DMD: variants seen among roughly 807,000 people sequenced by gnomAD.
The protein encoded by DMD is dystrophin.
DMD carries 63 observed loss-of-function variants against 330.1 expected under a neutral mutation model. The observed-to-expected ratio is 0.19, with a 90% CI of 0.16 to 0.24. The LOEUF (loss-of-function observed/expected upper bound fraction) is 0.24, where lower values mean the gene tolerates loss of function less well. Among genes scored for constraint, DMD ranks in the 10% least tolerant of loss-of-function variants. DMD has a pLI of 1.00. For synonymous variants in DMD, 1,223 were observed against 959.8 expected (o/e 1.27, Z -5.07); for missense variants, 3,344 against 2,684.1 (o/e 1.25, Z -5.43).
intron 1 of DMD, among the ~76,000 whole-genome samples, chrX:33,164,528 T>C (rs2148674942): frequency 8.9e-6 from 1 of 112,141 alleles, no homozygotes; most frequent in East Asian, 2.8e-4. Flanking sequence ...TAAAAGCAGA[T>C]AAGCAGAGTT....
intron 41 of DMD, among the ~76,000 whole-genome samples, chrX:32,329,037 A>C (rs2097666131): frequency 9.0e-6 from 1 of 111,727 alleles, no homozygotes; most frequent in African/African-American, 3.3e-5. Context: ...TCATTCATTC[A>C]ATCATTCATT....
At chrX:32,594,845 C>T (rs780521697) in intron 13 of DMD, among the ~76,000 whole-genome samples, 9 of 111,569 alleles carry the variant, frequency 8.1e-5, no homozygotes, top group Non-Finnish European at 1.3e-4. Context: ...GAGCATTCCA[C>T]GACAATTCCA....
At chrX:32,646,020 G>T (rs761753072) in intron 9 of DMD, among the ~76,000 whole-genome samples, 2 of 111,421 alleles carry the variant, frequency 1.8e-5, no homozygotes, top group South Asian at 7.6e-4. Context: ...AAGCAAGGAG[G>T]TCGATTAGAA....
intron 4 of DMD, among the ~76,000 whole-genome samples, chrX:32,831,064 A>G (rs759067182): frequency 9.0e-6 from 1 of 110,871 alleles, no homozygotes; most frequent in African/African-American, 3.3e-5. Context: ...TTGTATAACA[A>G]TATATATTTA....
intron 21 of DMD, among the ~76,000 whole-genome samples, chrX:32,474,200 TACATACATAC>T (rs1328352392): frequency 1.5e-4 from 16 of 104,920 alleles, no homozygotes; most frequent in East Asian, 2.9e-4. Context: ...CATATATACA[TACATACATAC>T]ACACACACAC....
Position 31,424,635 on chromosome X carries a change from A to G in DMD, c.9084+19846T>C, listed in dbSNP as rs150634324. On this transcript the variant is annotated intron_variant, in intron 60 of 78. Coordinates refer to ENST00000357033, the MANE Select transcript of DMD (RefSeq NM_004006.3). ...GTAGTCAAAAAAGAAATAATACATA[A>G]TTTTAGATATTGACCAACAGAAGAT... Among the ~76,000 whole-genome samples the G allele has an allele frequency of 3.8e-3, 429 of 112,374 alleles. 2 individuals are homozygous for G. Among genetic ancestry groups the G allele is most frequent in the African/African-American group, 0.013 (413 of 30,989 alleles).
At chrX:32,576,329 A>G (rs781440086) in intron 13 of DMD, among the ~76,000 whole-genome samples, 5 of 111,372 alleles carry the variant, frequency 4.5e-5, no homozygotes, top group Non-Finnish European at 9.4e-5. Context: ...TTGCCTTATT[A>G]AGTTGGGAAC....
intron 47 of DMD, among the ~76,000 whole-genome samples, chrX:31,909,842 T>C (rs1306842469): frequency 8.9e-6 from 1 of 112,819 alleles, no homozygotes; most frequent in African/African-American, 3.2e-5. Flanking sequence ...TAATGTGAAA[T>C]AGTGTGAATA....
chrX:32,958,393 T>A (rs1440164921), intron 2 of DMD, among the ~76,000 whole-genome samples: 1 of 111,208 alleles, frequency 9.0e-6, no homozygotes, highest in Admixed American at 9.6e-5. Flanking sequence ...CTATTGAAAA[T>A]CTCTGTATCT....
At chrX:32,127,261 T>C (rs1240973542) in intron 44 of DMD, among the ~76,000 whole-genome samples, 1 of 111,880 alleles carries the variant, frequency 8.9e-6, no homozygotes, top group African/African-American at 3.2e-5. Flanking sequence ...TTGATAGGAC[T>C]CTTACCTCCG....
At chrX:31,819,409 G>T (rs775321001) in intron 50 of DMD, among the ~76,000 whole-genome samples, 12 of 112,524 alleles carry the variant, frequency 1.1e-4, no homozygotes, top group African/African-American at 3.5e-4. Context: ...TGTGGTTTCT[G>T]TGATTTTTGT....
At chrX:32,468,065 G>A (rs2040230685) in intron 23 of DMD, among the ~76,000 whole-genome samples, 1 of 108,976 alleles carries the variant, frequency 9.2e-6, no homozygotes, top group African/African-American at 3.3e-5. Context: ...AGAAATGAAA[G>A]GTAATATAGG....
At chrX:31,738,066 A>C (rs1005712832) in intron 51 of DMD, among the ~76,000 whole-genome samples, 1 of 112,169 alleles carries the variant, frequency 8.9e-6, no homozygotes, top group African/African-American at 3.2e-5. Flanking sequence ...GCAGAAAAAA[A>C]CTGAGGCTAT....
chrX:31,985,884 C>T (rs1386268235), intron 44 of DMD, among the ~76,000 whole-genome samples: 2 of 111,476 alleles, frequency 1.8e-5, no homozygotes, highest in African/African-American at 6.5e-5. Flanking sequence ...ATAAAGTGAC[C>T]TGGAAAGGCT....
chrX:31,555,182 T>C (rs766284205), intron 55 of DMD, among the ~76,000 whole-genome samples: 13 of 111,765 alleles, frequency 1.2e-4, no homozygotes, highest in African/African-American at 3.9e-4. Flanking sequence ...GTGGCGCTAA[T>C]TGTAGCATTT....
rs1274172959 is a variant in DMD at position 32,100,336 on chromosome X, G to GA, written c.6438+116579dup. ...CTACTTTTTTCTCACATAAGTAGAT[G>GA]AAAAAAAGAAAGAAAATCACTGTGT... On this transcript the variant is annotated intron_variant, in intron 44 of 78. Coordinates refer to ENST00000357033, the MANE Select transcript of DMD (RefSeq NM_004006.3). 2.5e-4 allele frequency among the ~76,000 whole-genome samples: 26 copies of GA among 104,510 alleles called. No homozygotes were observed. The East Asian group carries it at 6.9e-3, about 28-fold the overall frequency. The allele number at this position is 104,510 out of a possible 115,157, so 90.8% of individuals were successfully genotyped here.
intron 2 of DMD, among the ~76,000 whole-genome samples, chrX:32,900,799 C>A (rs1414309269): frequency 9.0e-6 from 1 of 111,268 alleles, no homozygotes; most frequent in East Asian, 2.8e-4. Flanking sequence ...CATTGGAGGT[C>A]AAAATGTCAC....
chrX:31,936,874 A>T (rs1280428495), intron 45 of DMD, among the ~76,000 whole-genome samples: 1 of 110,755 alleles, frequency 9.0e-6, no homozygotes, highest in Non-Finnish European at 1.9e-5. Context: ...TTCCCCCAGC[A>T]CCATCTCTTC....
At chrX:32,119,684 T>C (rs5927937) in intron 44 of DMD, among the ~76,000 whole-genome samples, 1 of 111,889 alleles carries the variant, frequency 8.9e-6, no homozygotes, top group Non-Finnish European at 1.9e-5. Flanking sequence ...CTGTCTTCCA[T>C]GTAGATGCAT....
Sources: gnomAD v4.1 joint callset for allele counts (sites outside exome capture counted in the v4.1 genomes callset) on GRCh38, gnomAD v4.1.1 for gene constraint, MANE v1.5 for transcripts, NCBI Gene and HGNC (gene_info 2026-07-23, HGNC 2026-07-21) for gene names.